Variants in CRTC1 observed in about 807,000 individuals in gnomAD.
CRTC1 encodes CREB-regulated transcription coactivator 1.
CRTC1 carries 18 observed loss-of-function variants against 66.1 expected under a neutral mutation model. The ratio of observed to expected loss-of-function variants is 0.27; its 90% CI spans 0.19 to 0.40. CRTC1 has a LOEUF of 0.40. CRTC1 is among the 10% of genes least tolerant of loss of function. The probability of loss-of-function intolerance (pLI) is 1.00; values close to 1 mark genes in which losing one functional copy is unlikely to be tolerated. For synonymous variants in CRTC1, 416 were observed against 398.8 expected, an observed-to-expected ratio of 1.04 and a Z score of -0.51; for missense variants, 669 against 887.9, an observed-to-expected ratio of 0.75 and a Z score of 3.13.
rs550286131 is a variant in CRTC1 at position 18,707,846 on chromosome 19, A to G, written c.126+24018A>G. On this transcript the variant is annotated intron_variant, in intron 1 of 13. Transcript: ENST00000321949. ...CCTGTCTCTATTTAAAACAACAACAACAAAAAGAAGTCACACTCTCCTCCT... is the reference window on the plus strand; with the variant it reads ...CCTGTCTCTATTTAAAACAACAACAGCAAAAAGAAGTCACACTCTCCTCCT... Among the ~76,000 whole-genome samples, 6 of 152,368 alleles carry G rather than the reference A, an allele frequency of 3.9e-5. No individual in the cohort carries two copies. In the East Asian group the frequency reaches 9.6e-4, roughly 24 times the overall value.
intron 1 of CRTC1, among the ~76,000 whole-genome samples, chr19:18,703,889 C>T (rs1056778417): frequency 6.6e-6 from 1 of 152,234 alleles, no homozygotes; most frequent in Non-Finnish European, 1.5e-5. Context: ...AGAGCCACTG[C>T]GCCTGGCAAC....
intron 1 of CRTC1, among the ~76,000 whole-genome samples, chr19:18,740,674 T>C (rs1026742505): frequency 2.6e-5 from 4 of 152,166 alleles, no homozygotes; most frequent in African/African-American, 7.2e-5. Context: ...GTACAACTCC[T>C]CATGCAAAAC....
chr19:18,707,101 G>T (rs779894277), intron 1 of CRTC1, among the ~76,000 whole-genome samples: 11 of 152,134 alleles, frequency 7.2e-5, no homozygotes, highest in African/African-American at 1.2e-4. Flanking sequence ...TCCGATCCAA[G>T]AAATTATTGC....
chr19:18,748,859 G>T (rs1375099585), intron 4 of CRTC1, among the ~76,000 whole-genome samples: 1 of 151,966 alleles, frequency 6.6e-6, no homozygotes, highest in Non-Finnish European at 1.5e-5. Flanking sequence ...CATAGGTCAG[G>T]CCCTGTTCCC....
chr19:18,738,487 C>A (rs2054046091), intron 1 of CRTC1, among the ~76,000 whole-genome samples: 1 of 152,024 alleles, frequency 6.6e-6, no homozygotes, highest in Non-Finnish European at 1.5e-5. Flanking sequence ...TAGGGTGGGC[C>A]TTTCTCTTTA....
At chr19:18,706,467 G>A (rs192660063) in intron 1 of CRTC1, among the ~76,000 whole-genome samples, 5 of 151,916 alleles carry the variant, frequency 3.3e-5, no homozygotes, top group Admixed American at 2.0e-4. Context: ...TTGGCCTCCC[G>A]AAGTGTTGGG....
rs543927498 is a variant in CRTC1 at position 18,743,572 on chromosome 19, C to T, written c.243+546C>T. 4.3e-3 allele frequency among the ~76,000 whole-genome samples: 660 copies of T among 152,294 alleles called. 5 individuals carry two copies. Among genetic ancestry groups the T allele is most frequent in the Non-Finnish European group, 6.0e-3 (410 of 67,998 alleles). Reference sequence around the variant, plus strand: ...ATGGGGTGGGGCCGAGGGAGCTGGCCTATGAATCAGGGCCACCCCCAGGAC... The same window carrying T: ...ATGGGGTGGGGCCGAGGGAGCTGGCTTATGAATCAGGGCCACCCCCAGGAC... On this transcript the variant is annotated intron_variant, in intron 2 of 13. Transcript: ENST00000321949.
At chr19:18,709,055 A>G (rs1043966888) in intron 1 of CRTC1, among the ~76,000 whole-genome samples, 1 of 152,128 alleles carries the variant, frequency 6.6e-6, no homozygotes, top group Non-Finnish European at 1.5e-5. Context: ...CTGAGCCCGC[A>G]TGGTGCTCGG....
intron 2 of CRTC1, among the ~76,000 whole-genome samples, chr19:18,743,821 G>T (rs560745995): frequency 1.3e-5 from 2 of 152,228 alleles, no homozygotes; most frequent in Non-Finnish European, 2.9e-5. Context: ...TACAGAGTGC[G>T]GGCCATCACT....
intron 8 of CRTC1, among the ~76,000 whole-genome samples, chr19:18,761,283 G>A (rs1335605801): frequency 3.9e-5 from 6 of 152,210 alleles, no homozygotes. Context: ...GTCCCCATTG[G>A]CTGTGCAGTG....
chr19:18,775,688 G>C lies in CRTC1; in HGVS notation c.1560G>C (p.Leu520=). The C allele has an allele frequency of 6.2e-7, 1 of 1,611,984 alleles. No homozygotes were observed. The highest frequency in any genetic ancestry group is 8.5e-7 in the Non-Finnish European group (1 of 1,179,548). The change falls in exon 13 of 14, where the codon CTG becomes CTC. Residue 520 remains leucine, a synonymous_variant. Coordinates refer to ENST00000321949, the MANE Select transcript of CRTC1 (RefSeq NM_015321.3). ...MMENAISSSS[L]YSPGSTLNYS... ...AGAACGCCATCAGCTCCAGCAGCCT[G>C]TACAGCCCGGGCTCCACACTCAACT...
At chr19:18,728,109 G>A (rs1181357332) in intron 1 of CRTC1, among the ~76,000 whole-genome samples, 1 of 152,170 alleles carries the variant, frequency 6.6e-6, no homozygotes, top group African/African-American at 2.4e-5. Context: ...ATTTGTTACA[G>A]CAGCCTCAGG....
intron 1 of CRTC1, among the ~76,000 whole-genome samples, chr19:18,730,887 C>T (rs1247156745): frequency 6.6e-6 from 1 of 152,176 alleles, no homozygotes; most frequent in Admixed American, 6.5e-5. Flanking sequence ...GTCCCATGTC[C>T]AGAGGGAGCT....
In CRTC1 at chr19:18,760,437, G is replaced by A. The variant is rs768605230; in HGVS notation, c.886+209G>A. 2.0e-5 allele frequency among the ~76,000 whole-genome samples: 3 copies of A among 152,134 alleles called. No homozygotes were observed. The highest frequency in any genetic ancestry group is 2.1e-4 in the South Asian group (1 of 4,828). On this transcript the variant is annotated intron_variant, in intron 8 of 13. Transcript: ENST00000321949. The surrounding 1 kb of genome is among the most constrained non-coding windows in gnomAD (Gnocchi z 6.2). ...GGCCTGGTGGAAAGGAGTGCCTGGT[G>A]CCCCCAGACACCAGACAGTGGGTTT...
chr19:18,724,557 C>T (rs994991531), intron 1 of CRTC1, among the ~76,000 whole-genome samples: 6 of 151,786 alleles, frequency 4.0e-5, no homozygotes, highest in East Asian at 2.0e-4. Flanking sequence ...TCGGCAGGGC[C>T]GAGCTTCCTC....
chr19:18,732,137 C>T (rs1486402389), intron 1 of CRTC1, among the ~76,000 whole-genome samples: 3 of 152,162 alleles, frequency 2.0e-5, no homozygotes, highest in African/African-American at 4.8e-5. Context: ...CACAGGCAGG[C>T]GGCTTATTTG....
In CRTC1 at chr19:18,768,568, G is replaced by A. The variant is rs947773277; in HGVS notation, c.1095G>A (p.Pro365=). Residue 365 remains proline (P), a synonymous_variant, in exon 10 of 14, where the codon CCG becomes CCA. Transcript: ENST00000321949. The surrounding 1 kb of genome is among the most constrained non-coding windows in gnomAD (Gnocchi z 5.6). ...AGGCGGGCTCCCAGCAGCCACCGCCGCAGCCCCAGCCCCCGCCGCCTCCTC... is the reference window on the plus strand; with the variant it reads ...AGGCGGGCTCCCAGCAGCCACCGCCACAGCCCCAGCCCCCGCCGCCTCCTC... ...FTQAGSQQPP[P]QPQPPPPPPP... The A allele has an allele frequency of 4.5e-5, 72 of 1,595,318 alleles. No individual in the cohort carries two copies. Among genetic ancestry groups the A allele is most frequent in the Non-Finnish European group, 5.6e-5 (66 of 1,172,332 alleles).
intron 1 of CRTC1, among the ~76,000 whole-genome samples, chr19:18,698,505 G>A (rs1003159936): frequency 9.0e-5 from 13 of 144,356 alleles, no homozygotes; most frequent in South Asian, 4.5e-4. Flanking sequence ...CTCAGCAGGC[G>A]CTCAGCAGGC....
intron 5 of CRTC1, among the ~76,000 whole-genome samples, chr19:18,753,000 G>A (rs770304389): frequency 3.6e-4 from 55 of 150,942 alleles, no homozygotes; most frequent in Middle Eastern, 3.4e-3. Context: ...GCACGGTGGC[G>A]CACACCTGTA....
Sources: allele counts gnomAD v4.1 joint callset (sites outside exome capture counted in the v4.1 genomes callset), GRCh38; gene constraint gnomAD v4.1.1; non-coding constraint Gnocchi (gnomAD v3.1); transcripts MANE v1.5; gene names NCBI Gene and HGNC (gene_info 2026-07-23, HGNC 2026-07-21).